PTPDC1: variants seen among roughly 807,000 people sequenced by gnomAD.
PTPDC1 encodes the protein protein tyrosine phosphatase domain containing 1.
PTPDC1 carries 53 observed loss-of-function variants against 75.3 expected under a neutral mutation model. That is an observed-to-expected ratio of 0.70 (90% CI 0.56 to 0.88). PTPDC1 has a LOEUF of 0.88. Ranked by LOEUF, PTPDC1 falls within the 40% of genes least tolerant of loss-of-function variation. The probability of loss-of-function intolerance (pLI) is 0.00; values close to 1 mark genes in which losing one functional copy is unlikely to be tolerated. For synonymous variants in PTPDC1, 349 were observed against 366.2 expected, an observed-to-expected ratio of 0.95 and a Z score of 0.54; for missense variants, 925 against 998.6, an observed-to-expected ratio of 0.93 and a Z score of 0.99.
At chr9:94,044,136 G>A (rs1039873718) in intron 1 of PTPDC1, among the ~76,000 whole-genome samples, 24 of 152,112 alleles carry the variant, frequency 1.6e-4, no homozygotes, top group African/African-American at 5.6e-4. Context: ...GGCTCTTCTA[G>A]CACCTTTCCC....
chr9:94,087,907 C>G lies in PTPDC1; in HGVS notation c.493C>G (p.Leu165Val). The change falls in exon 3 of 9, where the codon CTC becomes GTC. Residue 165 changes from leucine to valine, a missense_variant. By Grantham distance (32) the Leu-to-Val change is conservative. Transcript: ENST00000620992. ...LEKYHIIDQF[L>V]SHGIKTIINL... is the part of the protein sequence containing the mutation. ...GAAGTACCACATCATTGATCAGTTC[C>G]TCAGGTAAATGCTGTATTGTTCACA... 6.2e-7 allele frequency: 1 copy of G among 1,612,568 alleles called. No homozygotes were observed.
Position 94,109,307 on chromosome 9 carries a change from G to A in PTPDC1, c.*1363G>A, listed in dbSNP as rs1828122223. 1.3e-5 allele frequency: 2 copies of A among 152,136 alleles called. No homozygotes were observed. The highest frequency in any genetic ancestry group is 1.3e-4 in the Admixed American group (2 of 15,276). 9.4% of individuals were successfully genotyped at this position (152,136 alleles called of 1,614,324 possible). A position where few individuals can be genotyped will look rare whatever the true frequency, so the allele number is the denominator to read the frequency against. ...TTACTGCTTAAAGACGGAATTTCAG[G>A]GGAAGCAAGACTCATTTAGAACAAA... On this transcript the variant is annotated 3_prime_UTR_variant, in exon 9 of 9. Transcript: ENST00000620992.
chr9:94,050,926 C>T (rs1825770497), intron 1 of PTPDC1, among the ~76,000 whole-genome samples: 1 of 152,212 alleles, frequency 6.6e-6, no homozygotes. Context: ...GCGCCCCTCC[C>T]CTCGCCTGGC....
rs1827696129 is a variant in PTPDC1, at chr9:94,098,326, G to A, written c.1760G>A (p.Gly587Glu). 1 of 1,614,060 alleles carries A rather than the reference G, an allele frequency of 6.2e-7. No individual in the cohort carries two copies. Among genetic ancestry groups the A allele is most frequent in the African/African-American group, 1.3e-5 (1 of 74,904 alleles). ...SHCQCKTHGV[G>E]SPGSVRQNSR... ...TGTCAGTGTAAAACTCATGGTGTTG[G>A]GAGCCCTGGCTCTGTCAGGCAGAAC... The change falls in exon 6 of 9, where the codon GGG becomes GAG. Residue 587 changes from glycine (G) to glutamate (E), a missense_variant. Coordinates refer to ENST00000620992, the MANE Select transcript of PTPDC1 (RefSeq NM_001253829.2).
upstream of PTPDC1, among the ~76,000 whole-genome samples, chr9:94,082,163 G>A (rs148559895): frequency 6.6e-6 from 1 of 152,248 alleles, no homozygotes; most frequent in Non-Finnish European, 1.5e-5. Context: ...GGAATAGTCA[G>A]TTCCCTTGTG....
At chr9:94,053,181 G>A (rs759870833) in intron 1 of PTPDC1, among the ~76,000 whole-genome samples, 2 of 152,078 alleles carry the variant, frequency 1.3e-5, no homozygotes, top group South Asian at 2.1e-4. Context: ...TATTTGAGGT[G>A]TGAAATCACA....
chr9:94,074,018 GA>G (rs1398897222), intron 2 of PTPDC1, among the ~76,000 whole-genome samples: 2 of 152,126 alleles, frequency 1.3e-5, no homozygotes, highest in Admixed American at 6.5e-5. Flanking sequence ...GTCCTTATTG[GA>G]AATTTTCAGC....
chr9:94,031,878 A>G (rs190999754), intron 1 of PTPDC1, among the ~76,000 whole-genome samples: 1 of 152,344 alleles, frequency 6.6e-6, no homozygotes, highest in East Asian at 1.9e-4. Context: ...GGAAGGATTA[A>G]AACATACTAG....
chr9:94,043,647 C>T lies in PTPDC1; in HGVS notation c.-7+12520C>T, dbSNP rs185518785. ...GAGGTGGGAAAAACACCTGAGCCCACGAGGTCAAGGCTGCAGTGAGCCGTG... is the reference window on the plus strand; with the variant it reads ...GAGGTGGGAAAAACACCTGAGCCCATGAGGTCAAGGCTGCAGTGAGCCGTG... On this transcript the variant is annotated intron_variant, in intron 1 of 9. Transcript: ENST00000375360. Among the ~76,000 whole-genome samples the T allele has an allele frequency of 3.3e-5, 5 of 152,160 alleles. No individual in the cohort carries two copies. The East Asian group carries it at 7.7e-4, about 24-fold the overall frequency.
intron 1 of PTPDC1, among the ~76,000 whole-genome samples, chr9:94,054,359 A>G (rs1483645847): frequency 6.6e-6 from 1 of 152,198 alleles, no homozygotes; most frequent in Non-Finnish European, 1.5e-5. Flanking sequence ...TTAGGTCTGC[A>G]TATACATTCT....
At chr9:94,088,363 C>T (rs1247057042) in intron 4 of PTPDC1, 100 bp downstream of exon 4, 15 of 1,342,176 alleles carry the variant, frequency 1.1e-5, no homozygotes, top group Non-Finnish European at 1.4e-5. Flanking sequence ...GAAATAAATA[C>T]CTTCTGCATC....
chr9:94,094,151 G>C (rs563907617), intron 4 of PTPDC1, among the ~76,000 whole-genome samples: 2 of 152,302 alleles, frequency 1.3e-5, no homozygotes, highest in South Asian at 4.1e-4. Context: ...GAGGAGGAGA[G>C]GTGCTCTACT....
At chr9:94,073,867 G>A (rs1007277697) in intron 2 of PTPDC1, among the ~76,000 whole-genome samples, 2 of 151,946 alleles carry the variant, frequency 1.3e-5, no homozygotes, top group Admixed American at 6.6e-5. Context: ...TAAGTTTGAC[G>A]TTCAATTTCC....
At chr9:94,042,167 A>T (rs1444672107) in intron 1 of PTPDC1, among the ~76,000 whole-genome samples, 1 of 152,200 alleles carries the variant, frequency 6.6e-6, no homozygotes, top group Non-Finnish European at 1.5e-5. Flanking sequence ...CAATTCCAGT[A>T]TACATATACA....
At chr9:94,037,306 GT>G (rs1825300940) in intron 1 of PTPDC1, among the ~76,000 whole-genome samples, 1 of 152,258 alleles carries the variant, frequency 6.6e-6, no homozygotes, top group Non-Finnish European at 1.5e-5. Context: ...TTCCCAAGAA[GT>G]TTGCAGTATA....
rs1827276685 is a variant in PTPDC1, at chr9:94,090,579, A to G, written c.616+2316A>G. Among the ~76,000 whole-genome samples the G allele has an allele frequency of 3.6e-5, 4 of 110,550 alleles. No homozygotes were observed. In the South Asian group the frequency reaches 1.3e-3, roughly 36 times the overall value. 72.5% of individuals were successfully genotyped at this position (110,550 alleles called of 152,430 possible). A position where few individuals can be genotyped will look rare whatever the true frequency, so the allele number is the denominator to read the frequency against. Reference sequence around the variant, plus strand: ...GTGATGCGGGCTCTTTTTTGGTTCCATATGAACTTTAAAGTAGTTTTTTCC... The same window carrying G: ...GTGATGCGGGCTCTTTTTTGGTTCCGTATGAACTTTAAAGTAGTTTTTTCC... On this transcript the variant is annotated intron_variant, in intron 4 of 8. Transcript: ENST00000620992.
At chr9:94,106,270 T>C (rs1297397086) in intron 8 of PTPDC1, among the ~76,000 whole-genome samples, 1 of 152,212 alleles carries the variant, frequency 6.6e-6, no homozygotes, top group East Asian at 1.9e-4. Context: ...GCAGATGCCC[T>C]GACCACTCTC....
intron 1 of PTPDC1, among the ~76,000 whole-genome samples, chr9:94,056,415 G>T (rs1825939723): frequency 6.6e-6 from 1 of 152,262 alleles, no homozygotes; most frequent in South Asian, 2.1e-4. Flanking sequence ...TTATTTAAGT[G>T]TGAGCAGAGG....
chr9:94,034,511 A>G (rs1825202612), intron 1 of PTPDC1, among the ~76,000 whole-genome samples: 1 of 152,212 alleles, frequency 6.6e-6, no homozygotes, highest in Non-Finnish European at 1.5e-5. Context: ...CAGCCTGGAC[A>G]ATAGAGTGAG....
Sources: gnomAD v4.1 joint callset for allele counts (sites outside exome capture counted in the v4.1 genomes callset) on GRCh38, gnomAD v4.1.1 for gene constraint, MANE v1.5 for transcripts, NCBI Gene and HGNC (gene_info 2026-07-23, HGNC 2026-07-21) for gene names.